TENM2: variants seen among roughly 807,000 people sequenced by gnomAD.
TENM2 encodes teneurin transmembrane protein 2.
In TENM2, 52 loss-of-function variants were observed where a neutral mutation model predicts 245.2. That is an observed-to-expected ratio of 0.21 (90% CI 0.17 to 0.27). The LOEUF (loss-of-function observed/expected upper bound fraction) is 0.27, where lower values mean the gene tolerates loss of function less well. TENM2 is among the 10% of genes least tolerant of loss of function. TENM2 has a pLI of 1.00. For missense variants in TENM2, 3,046 were observed against 3,666.8 expected, an observed-to-expected ratio of 0.83 and a Z score of 4.37; for synonymous variants, 1,363 against 1,438.9, an observed-to-expected ratio of 0.95 and a Z score of 1.19.
At chr5:167,412,372 G>A (rs1762952959) in intron 2 of TENM2, among the ~76,000 whole-genome samples, 1 of 152,026 alleles carries the variant, frequency 6.6e-6, no homozygotes, top group South Asian at 2.1e-4. Flanking sequence ...AGAAACTAGG[G>A]TTAGCAGGCC....
chr5:167,013,153 G>A, the TENM2 span, among the ~76,000 whole-genome samples: 3 of 152,044 alleles, frequency 2.0e-5, no homozygotes, highest in Non-Finnish European at 2.9e-5. Flanking sequence ...AATATTACCC[G>A]GACATGTAAA....
intron 2 of TENM2, among the ~76,000 whole-genome samples, chr5:167,420,736 A>C (rs1216298734): frequency 6.6e-6 from 1 of 152,082 alleles, no homozygotes; most frequent in Non-Finnish European, 1.5e-5. Flanking sequence ...TTCCGACAGC[A>C]CCATCATTCT....
intron 7 of TENM2, among the ~76,000 whole-genome samples, chr5:168,070,382 C>A (rs991677635): frequency 3.9e-5 from 6 of 152,074 alleles, no homozygotes; most frequent in African/African-American, 1.4e-4. Flanking sequence ...TTATAAGTGG[C>A]CTCTTACGAA....
At chr5:167,722,400 A>G (rs907263609) in intron 2 of TENM2, among the ~76,000 whole-genome samples, 2 of 152,206 alleles carry the variant, frequency 1.3e-5, no homozygotes, top group Non-Finnish European at 2.9e-5. Flanking sequence ...AGATAGATAA[A>G]TAGATAGATG....
At chr5:167,587,185 A>T (rs1308810853) in intron 2 of TENM2, among the ~76,000 whole-genome samples, 1 of 152,148 alleles carries the variant, frequency 6.6e-6, no homozygotes, top group African/African-American at 2.4e-5. Context: ...TCACTCACTG[A>T]GGTTTCATTG....
intron 2 of TENM2, among the ~76,000 whole-genome samples, chr5:167,787,635 TG>T: frequency 6.6e-6 from 1 of 152,222 alleles, no homozygotes; most frequent in Non-Finnish European, 1.5e-5. Context: ...ACCCTGTCAC[TG>T]AGTCTTATTA....
At chr5:167,813,577 C>T (rs1583075072) in intron 2 of TENM2, among the ~76,000 whole-genome samples, 1 of 152,060 alleles carries the variant, frequency 6.6e-6, no homozygotes, top group Non-Finnish European at 1.5e-5. Context: ...TTCCGCATAC[C>T]ATGCCATGAT....
rs76155764 is a variant in TENM2 at position 167,635,633 on chromosome 5, C to CTTTTTTTT, written c.503-240331_503-240324dup. 7.6e-3 allele frequency among the ~76,000 whole-genome samples: 571 copies of CTTTTTTTT among 74,924 alleles called. 95 individuals carry two copies. Among genetic ancestry groups the CTTTTTTTT allele is most frequent in the African/African-American group, 0.021 (359 of 16,854 alleles). The allele number at this position is 74,924 out of a possible 152,430, so 49.2% of individuals were successfully genotyped here. A position where few individuals can be genotyped will look rare whatever the true frequency, so the allele number is the denominator to read the frequency against. On this transcript the variant is annotated intron_variant, in intron 2 of 28. Transcript: ENST00000518659. ...GGAATCTGGCTATGATCAGTACAGT[C>CTTTTTTTT]TTTTTTTTTTTTTTTTTTTTTTTTT...
rs534899755 is a variant in TENM2 at position 167,887,332 on chromosome 5, A to G, written c.712+11137A>G. On this transcript the variant is annotated intron_variant, in intron 3 of 28. Coordinates refer to ENST00000518659, the Ensembl canonical transcript of TENM2. ...GTGTCCCTTAGCACATGGTGCAGGT[A>G]GAGATACGCTCAAGAGCTAGATCCT... is the stretch of plus-strand genomic sequence containing the variant. Among the ~76,000 whole-genome samples, 3 of 152,372 alleles carry G rather than the reference A, an allele frequency of 2.0e-5. No homozygotes were observed. In the East Asian group the frequency reaches 5.8e-4, roughly 29 times the overall value.
chr5:168,245,077 C>A (rs181075171), intron 26 of TENM2, among the ~76,000 whole-genome samples: 6 of 152,074 alleles, frequency 3.9e-5, no homozygotes, highest in African/African-American at 1.4e-4. Context: ...ATTTCTGCTG[C>A]TCTTGTAAGC....
chr5:168,029,231 A>G (rs1463526089), intron 5 of TENM2, among the ~76,000 whole-genome samples: 1 of 152,144 alleles, frequency 6.6e-6, no homozygotes, highest in African/African-American at 2.4e-5. Context: ...ACTGCCTAAT[A>G]CCATCACCTT....
chr5:167,392,079 C>CT (rs1761791779), intron 2 of TENM2, among the ~76,000 whole-genome samples: 1 of 152,046 alleles, frequency 6.6e-6, no homozygotes, highest in African/African-American at 2.4e-5. Flanking sequence ...GTTGGTGTGG[C>CT]TTTTATCATC....
chr5:168,095,651 T>A (rs994731607), intron 8 of TENM2, among the ~76,000 whole-genome samples: 3 of 152,232 alleles, frequency 2.0e-5, no homozygotes, highest in Non-Finnish European at 2.9e-5. Context: ...GGGGACTATA[T>A]CTGTCTTTGT....
the TENM2 span, among the ~76,000 whole-genome samples, chr5:167,054,524 T>C: frequency 6.6e-6 from 1 of 152,136 alleles, no homozygotes; most frequent in Non-Finnish European, 1.5e-5. Context: ...GACATAAGTT[T>C]TTAACTCCGT....
chr5:167,542,244 G>A (rs1052770598), intron 2 of TENM2, among the ~76,000 whole-genome samples: 4 of 152,158 alleles, frequency 2.6e-5, no homozygotes, highest in South Asian at 2.1e-4. Flanking sequence ...AATGCCATAA[G>A]TCAGTCACTA....
At chr5:167,404,618 C>A (rs1762529378) in intron 2 of TENM2, among the ~76,000 whole-genome samples, 3 of 152,096 alleles carry the variant, frequency 2.0e-5, no homozygotes. Flanking sequence ...TCACCATGGT[C>A]TCCAATGAAG....
the TENM2 span, among the ~76,000 whole-genome samples, chr5:167,268,601 T>G: frequency 6.6e-6 from 1 of 152,180 alleles, no homozygotes; most frequent in Non-Finnish European, 1.5e-5. Context: ...GCTTTTGTTA[T>G]GTACATAATA....
chr5:167,933,278 A>C (rs542524243), intron 3 of TENM2, among the ~76,000 whole-genome samples: 2 of 152,328 alleles, frequency 1.3e-5, no homozygotes, highest in South Asian at 4.1e-4. Context: ...TGACTTTTAA[A>C]AATTAAATGT....
At chr5:167,651,217 C>T (rs982242560) in intron 2 of TENM2, among the ~76,000 whole-genome samples, 5 of 152,076 alleles carry the variant, frequency 3.3e-5, no homozygotes, top group Admixed American at 6.6e-5. Context: ...GTATATGTCA[C>T]GGCTAGGCAA....
Sources: allele counts gnomAD v4.1 joint callset (sites outside exome capture counted in the v4.1 genomes callset), GRCh38; gene constraint gnomAD v4.1.1; transcripts MANE v1.5; gene names NCBI Gene and HGNC (gene_info 2026-07-23, HGNC 2026-07-21).